FGGY: variants seen among roughly 807,000 people sequenced by gnomAD.
FGGY encodes FGGY carbohydrate kinase domain containing.
In FGGY, 72 loss-of-function variants were observed where a neutral mutation model predicts 71.3. That is an observed-to-expected ratio of 1.01 (90% CI 0.84 to 1.23). The LOEUF (loss-of-function observed/expected upper bound fraction) is 1.23. Among genes scored for constraint, FGGY ranks in the 50% most tolerant of loss-of-function variants. The pLI is 0.00. For missense variants in FGGY, 668 were observed against 682.3 expected, an observed-to-expected ratio of 0.98 and a Z score of 0.23; for synonymous variants, 251 against 250.3, an observed-to-expected ratio of 1.00 and a Z score of -0.02.
chr1:59,589,391 T>C (rs1177173434), intron 8 of FGGY, among the ~76,000 whole-genome samples: 3 of 152,002 alleles, frequency 2.0e-5, no homozygotes, highest in South Asian at 2.1e-4. Context: ...GACAGAAAGT[T>C]AACAAGGATA....
chr1:59,639,095 A>C (rs965023519), intron 11 of FGGY, among the ~76,000 whole-genome samples: 4 of 152,314 alleles, frequency 2.6e-5, no homozygotes, highest in African/African-American at 9.6e-5. Context: ...AAAATAAGCC[A>C]TGAATGCAGG....
At chr1:59,501,093 C>T (rs1382565043) in intron 6 of FGGY, among the ~76,000 whole-genome samples, 1 of 152,152 alleles carries the variant, frequency 6.6e-6, no homozygotes, top group Non-Finnish European at 1.5e-5. Flanking sequence ...CCTGTAGATT[C>T]ACCCATTGTT....
chr1:59,461,780 G>T (rs1432582854), intron 6 of FGGY, among the ~76,000 whole-genome samples: 1 of 150,126 alleles, frequency 6.7e-6, no homozygotes, highest in Admixed American at 6.6e-5. Flanking sequence ...CTTTTGTTTT[G>T]TTTTGTTTTG....
intron 6 of FGGY, among the ~76,000 whole-genome samples, chr1:59,496,557 G>A (rs908636174): frequency 2.0e-5 from 3 of 152,040 alleles, no homozygotes; most frequent in African/African-American, 4.8e-5. Flanking sequence ...GGTGAGGATC[G>A]AAAAACTACC....
chr1:59,411,610 A>G (rs895046216), intron 5 of FGGY, among the ~76,000 whole-genome samples: 2 of 152,134 alleles, frequency 1.3e-5, no homozygotes, highest in Non-Finnish European at 1.5e-5. Context: ...TTCTTTCTAT[A>G]TTTATTAACT....
At chr1:59,719,675 G>A (rs1322048088) in intron 14 of FGGY, among the ~76,000 whole-genome samples, 1 of 152,140 alleles carries the variant, frequency 6.6e-6, no homozygotes, top group African/African-American at 2.4e-5. Flanking sequence ...GTGCAAATAT[G>A]GGATGTATAA....
chr1:59,478,563 C>G (rs1233490847), intron 6 of FGGY, among the ~76,000 whole-genome samples: 2 of 152,080 alleles, frequency 1.3e-5, no homozygotes, highest in African/African-American at 4.8e-5. Context: ...AATAAGTAAG[C>G]ATTAGAGATA....
chr1:59,630,281 G>C (rs1458597564), intron 10 of FGGY, among the ~76,000 whole-genome samples: 1 of 152,130 alleles, frequency 6.6e-6, no homozygotes, highest in African/African-American at 2.4e-5. Context: ...TAGGGACACA[G>C]CCAAACCATA....
intron 5 of FGGY, among the ~76,000 whole-genome samples, chr1:59,401,969 T>C (rs2062022114): frequency 6.6e-6 from 1 of 152,174 alleles, no homozygotes; most frequent in Admixed American, 6.5e-5. Flanking sequence ...GCGTTCTGTG[T>C]TTTTCCTTGT....
chr1:59,517,254 C>CT (rs57951011), intron 7 of FGGY, among the ~76,000 whole-genome samples: 1,640 of 87,674 alleles, frequency 0.019, 469 homozygotes, highest in African/African-American at 0.027. Flanking sequence ...CTCAGTTGCT[C>CT]TTTTTTTTTT....
At chr1:59,685,204 C>CCT (rs1484959627) in intron 14 of FGGY, among the ~76,000 whole-genome samples, 4 of 152,146 alleles carry the variant, frequency 2.6e-5, no homozygotes, top group Admixed American at 1.3e-4. Context: ...GATGTCCGGA[C>CCT]CTCTCTCTCA....
chr1:59,685,608 A>G (rs768722717), intron 14 of FGGY, among the ~76,000 whole-genome samples: 2 of 152,194 alleles, frequency 1.3e-5, no homozygotes, highest in Non-Finnish European at 2.9e-5. Context: ...AAAGTACTAG[A>G]AAAGTATTAG....
chr1:59,539,554 A>G (rs1025143462), intron 7 of FGGY, among the ~76,000 whole-genome samples: 6 of 152,198 alleles, frequency 3.9e-5, no homozygotes, highest in Non-Finnish European at 7.4e-5. Flanking sequence ...GGTTATCACT[A>G]TGGCAGAAAT....
At chr1:59,365,395 C>T (rs965191016) in intron 4 of FGGY, among the ~76,000 whole-genome samples, 5 of 152,174 alleles carry the variant, frequency 3.3e-5, no homozygotes, top group Non-Finnish European at 7.4e-5. Context: ...TCTTTCATGT[C>T]TGCTCCAAGA....
chr1:59,450,320 C>T (rs1397034031), intron 5 of FGGY, among the ~76,000 whole-genome samples: 1 of 152,120 alleles, frequency 6.6e-6, no homozygotes, highest in Admixed American at 6.5e-5. Context: ...CTATTATTCT[C>T]ATATGATTTG....
intron 14 of FGGY, among the ~76,000 whole-genome samples, chr1:59,691,522 C>T (rs918725917): frequency 4.6e-5 from 7 of 152,106 alleles, no homozygotes; most frequent in African/African-American, 9.7e-5. Context: ...ATTGATTTTC[C>T]GTCTGGGGAT....
At chr1:59,316,762 C>T (rs2045527177) in intron 1 of FGGY, among the ~76,000 whole-genome samples, 1 of 152,136 alleles carries the variant, frequency 6.6e-6, no homozygotes, top group African/African-American at 2.4e-5. Context: ...TTTGAAATGT[C>T]TTGTAGACTG....
rs771217956 is a variant in FGGY, at chr1:59,693,068, T to C, written c.1512+18935T>C. ...GTAGTAGGAACTCTCTGAAATTCAA[T>C]TTCACAATCTAAAAGATAGATAATA... On this transcript the variant is annotated intron_variant, in intron 14 of 15. Transcript: ENST00000303721. Among the ~76,000 whole-genome samples, 9 of 152,234 alleles carry C rather than the reference T, an allele frequency of 5.9e-5. 1 individual carries two copies. Among genetic ancestry groups the C allele is most frequent in the Non-Finnish European group, 1.2e-4 (8 of 68,044 alleles).
chr1:59,471,152 A>C (rs545161370), intron 6 of FGGY, among the ~76,000 whole-genome samples: 14 of 152,140 alleles, frequency 9.2e-5, no homozygotes, highest in Non-Finnish European at 1.6e-4. Context: ...AGGTGATTAG[A>C]TCCTGGGGGC....
Sources: allele counts gnomAD v4.1 joint callset (sites outside exome capture counted in the v4.1 genomes callset), GRCh38; gene constraint gnomAD v4.1.1; transcripts MANE v1.5; gene names NCBI Gene and HGNC (gene_info 2026-07-23, HGNC 2026-07-21).